The following TRPC5 variants were observed in gnomAD, a reference collection of about 807,000 sequenced individuals.
The protein encoded by TRPC5 is short transient receptor potential channel 5.
TRPC5 carries 9 observed loss-of-function variants against 56.5 expected under a neutral mutation model. That is an observed-to-expected ratio of 0.16 (90% CI 0.10 to 0.28). TRPC5 has a LOEUF of 0.28. Among genes scored for constraint, TRPC5 ranks in the 10% least tolerant of loss-of-function variants. TRPC5 has a pLI of 1.00. For missense variants in TRPC5, 469 were observed against 748.9 expected, an observed-to-expected ratio of 0.63 and a Z score of 4.36; for synonymous variants, 282 against 278.5, an observed-to-expected ratio of 1.01 and a Z score of -0.13.
chrX:111,856,538 A>AAATAATAATAATAAT (rs750089190), intron 3 of TRPC5, among the ~76,000 whole-genome samples: 4,819 of 95,055 alleles, frequency 0.051, 457 homozygotes, highest in African/African-American at 0.19. Context: ...GCCCTGTCTC[A>AAATAATAATAATAAT]AATAATAATA....
intron 10 of TRPC5, 98 bp from the exon 11 acceptor site, chrX:111,777,100 G>T: frequency 1.5e-6 from 1 of 658,266 alleles, no homozygotes; most frequent in Non-Finnish European, 2.1e-6. Flanking sequence ...TTTTTGCCTA[G>T]TAGCAAATCA....
intron 1 of TRPC5, among the ~76,000 whole-genome samples, chrX:112,018,191 G>A (rs1569529642): frequency 8.9e-6 from 1 of 112,346 alleles, no homozygotes; most frequent in Non-Finnish European, 1.9e-5. Flanking sequence ...CACTGCACTA[G>A]ACTGTCAGCT....
chrX:111,788,848 A>T lies in TRPC5; in HGVS notation c.1897-6710T>A, dbSNP rs745709264. On this transcript the variant is annotated intron_variant, in intron 7 of 10. Coordinates refer to ENST00000262839, the MANE Select transcript of TRPC5 (RefSeq NM_012471.3). Reference sequence around the variant, plus strand: ...AAGAGAATAAAATACCTAGGAATTCAACTTACAAGGGATGTGAAGGACCTC... The same window carrying T: ...AAGAGAATAAAATACCTAGGAATTCTACTTACAAGGGATGTGAAGGACCTC... Among the ~76,000 whole-genome samples, 279 of 111,928 alleles carry T rather than the reference A, an allele frequency of 2.5e-3. 2 individuals are homozygous for T. Among genetic ancestry groups the T allele is most frequent in the African/African-American group, 8.7e-3 (269 of 30,773 alleles).
At chrX:112,042,905 A>G (rs1377920922) in intron 1 of TRPC5, among the ~76,000 whole-genome samples, 2 of 110,348 alleles carry the variant, frequency 1.8e-5, no homozygotes, top group Non-Finnish European at 3.8e-5. Context: ...CCTTCGTGAG[A>G]CTTATTCTAT....
chrX:111,881,535 G>T (rs1167251339), intron 3 of TRPC5, among the ~76,000 whole-genome samples: 1 of 111,514 alleles, frequency 9.0e-6, no homozygotes, highest in Non-Finnish European at 1.9e-5. Flanking sequence ...AGAAGAAGTT[G>T]CACAGACCAT....
intron 1 of TRPC5, among the ~76,000 whole-genome samples, chrX:112,044,822 CT>C (rs1357959015): frequency 1.8e-5 from 2 of 111,854 alleles, no homozygotes; most frequent in Non-Finnish European, 3.8e-5. Flanking sequence ...ATTATACTAA[CT>C]TCACAGTGCC....
At chrX:111,950,926 T>G (rs1927071404) in intron 2 of TRPC5, among the ~76,000 whole-genome samples, 1 of 112,215 alleles carries the variant, frequency 8.9e-6, no homozygotes, top group South Asian at 3.7e-4. Flanking sequence ...AATCTGCCTA[T>G]TGTAAGTTCA....
At chrX:111,789,770 A>C (rs1380990266) in intron 7 of TRPC5, among the ~76,000 whole-genome samples, 1 of 112,801 alleles carries the variant, frequency 8.9e-6, no homozygotes, top group East Asian at 2.8e-4. Flanking sequence ...AGACTTCTTA[A>C]AACAAGACAT....
chrX:111,839,012 T>C (rs1197235649), intron 6 of TRPC5, among the ~76,000 whole-genome samples: 1 of 111,850 alleles, frequency 8.9e-6, no homozygotes, highest in African/African-American at 3.2e-5. Context: ...AAGTTGTATG[T>C]TGATAGCCTA....
intron 1 of TRPC5, among the ~76,000 whole-genome samples, chrX:112,070,546 A>G (rs1240356243): frequency 9.0e-6 from 1 of 111,227 alleles, no homozygotes; most frequent in Non-Finnish European, 1.9e-5. Flanking sequence ...CACCCCACGT[A>G]AAATCTTATA....
intron 3 of TRPC5, chrX:111,903,290 A>G (rs1015832433): frequency 8.9e-6 from 1 of 112,524 alleles, no homozygotes; most frequent in Non-Finnish European, 1.9e-5. Flanking sequence ...GAAAAGAAAT[A>G]TTTAGGAAAT....
intron 1 of TRPC5, among the ~76,000 whole-genome samples, chrX:112,041,784 G>A (rs1350764171): frequency 8.9e-6 from 1 of 111,938 alleles, no homozygotes; most frequent in Non-Finnish European, 1.9e-5. Flanking sequence ...CCGGACCAGT[G>A]CCTTGAAAAT....
At chrX:112,056,341 C>T (rs138959979) in intron 1 of TRPC5, among the ~76,000 whole-genome samples, 1,142 of 112,276 alleles carry the variant, frequency 0.01, 11 homozygotes, top group African/African-American at 0.035. Context: ...TACTGGGATA[C>T]ATGTTTACTT....
intron 1 of TRPC5, among the ~76,000 whole-genome samples, chrX:111,981,858 G>A (rs918195049): frequency 4.5e-5 from 5 of 111,961 alleles, no homozygotes; most frequent in African/African-American, 1.6e-4. Context: ...ATTAGATATG[G>A]TTTGGCTCTG....
chrX:111,813,873 C>T (rs1921784110), intron 7 of TRPC5, among the ~76,000 whole-genome samples: 2 of 112,218 alleles, frequency 1.8e-5, no homozygotes, highest in African/African-American at 6.5e-5. Context: ...GTGACATATA[C>T]ATGCCAAAGA....
chrX:111,789,046 C>A (rs761082817), intron 7 of TRPC5, among the ~76,000 whole-genome samples: 1 of 111,955 alleles, frequency 8.9e-6, no homozygotes, highest in East Asian at 2.8e-4. Flanking sequence ...ACTTTCTTCA[C>A]AGAATTGGAA....
At chrX:111,833,982 G>A (rs1044277954) in intron 7 of TRPC5, among the ~76,000 whole-genome samples, 2 of 111,360 alleles carry the variant, frequency 1.8e-5, no homozygotes, top group Non-Finnish European at 3.8e-5. Flanking sequence ...ATTATAGTAA[G>A]AACTACACAT....
intron 3 of TRPC5, among the ~76,000 whole-genome samples, chrX:111,881,322 A>T (rs1432045518): frequency 9.1e-6 from 1 of 110,211 alleles, no homozygotes; most frequent in Non-Finnish European, 1.9e-5. Context: ...GACTACAGGC[A>T]CGCGCCACCA....
At chrX:111,791,729 G>A (rs1004549750) in intron 7 of TRPC5, among the ~76,000 whole-genome samples, 10 of 112,172 alleles carry the variant, frequency 8.9e-5, no homozygotes, top group Admixed American at 2.8e-4. Context: ...CCATCATATG[G>A]CACACCACCC....
Sources: gnomAD v4.1 joint callset for allele counts (sites outside exome capture counted in the v4.1 genomes callset) on GRCh38, gnomAD v4.1.1 for gene constraint, MANE v1.5 for transcripts, NCBI Gene and HGNC (gene_info 2026-07-23, HGNC 2026-07-21) for gene names.